G3BP2: variants seen among roughly 807,000 people sequenced by gnomAD.
The protein encoded by G3BP2 is G3BP stress granule assembly factor 2.
Under a neutral mutation model 56.7 loss-of-function variants are expected in G3BP2, and 11 were observed. The observed-to-expected ratio is 0.19, with a 90% CI of 0.12 to 0.32. G3BP2 has a LOEUF of 0.32. Among genes scored for constraint, G3BP2 ranks in the 10% least tolerant of loss-of-function variants. The pLI, the probability that G3BP2 is intolerant of heterozygous loss-of-function variation, is 1.00. For synonymous variants in G3BP2, 165 were observed against 191.6 expected, an observed-to-expected ratio of 0.86 and a Z score of 1.15; for missense variants, 340 against 610.9, an observed-to-expected ratio of 0.56 and a Z score of 4.67.
chr4:75,700,024 A>C (rs1719276418), intron 3 of G3BP2, among the ~76,000 whole-genome samples: 2 of 152,224 alleles, frequency 1.3e-5, no homozygotes, highest in African/African-American at 4.8e-5. Flanking sequence ...AAATCAACAT[A>C]AAATAAAAGC....
At chr4:75,691,077 C>T (rs746107291) in intron 3 of G3BP2, among the ~76,000 whole-genome samples, 1 of 151,636 alleles carries the variant, frequency 6.6e-6, no homozygotes, top group African/African-American at 2.4e-5. Context: ...CATTTTGTTT[C>T]ATTTATTCTT....
At chr4:75,684,752 ATG>A (rs1460969460) in intron 3 of G3BP2, among the ~76,000 whole-genome samples, 1 of 151,776 alleles carries the variant, frequency 6.6e-6, no homozygotes, top group Non-Finnish European at 1.5e-5. Flanking sequence ...GATATAGGGA[ATG>A]TTTGTGAAAC....
chr4:75,718,620 A>C lies in G3BP2; in HGVS notation c.-25+2257T>G, dbSNP rs183902115. Among the ~76,000 whole-genome samples the C allele has an allele frequency of 1.9e-4, 29 of 152,334 alleles. 1 individual carries two copies. Among genetic ancestry groups the C allele is most frequent in the Non-Finnish European group, 1.5e-5 (1 of 68,044 alleles). On this transcript the variant is annotated intron_variant, in intron 3 of 3. Coordinates refer to the G3BP2 transcript ENST00000499709. ...CCCTGTTCCCCAGCTCCTATGCCATATGCTTTGAGATGAGATGAAGACTTC... is the reference window on the plus strand; with the variant it reads ...CCCTGTTCCCCAGCTCCTATGCCATCTGCTTTGAGATGAGATGAAGACTTC...
rs750010389 is a variant in G3BP2, at chr4:75,647,118, C to T, written c.968G>A (p.Arg323Lys). The change falls in exon 10 of 12, where the codon AGA (arginine) becomes AAA (lysine). Residue 323 changes from arginine to lysine, a missense_variant. Physicochemically the swap from Arg to Lys is conservative, Grantham distance 26 (BLOSUM62 2). Around this residue, in one of 4 missense-constraint regions of G3BP2, gnomAD observed 224 missense variants for 332.5 expected, o/e 0.67. Transcript: ENST00000359707. ...ATGACTATCTGGATAGCGAATTATT[C>T]TACGGTTGTCAGAGTCATTCTGTTC... ...DMEQNDSDNRRIIRYPDSHQL... is the reference protein window; with the variant it reads ...DMEQNDSDNRKIIRYPDSHQL... The T allele has an allele frequency of 7.5e-6, 12 of 1,600,168 alleles. No homozygotes were observed. The African/African-American group carries it at 1.6e-4, about 21-fold the overall frequency.
chr4:75,690,209 G>A (rs1037156467), intron 3 of G3BP2, among the ~76,000 whole-genome samples: 16 of 152,110 alleles, frequency 1.1e-4, no homozygotes, highest in Admixed American at 7.2e-4. Context: ...CAAGGTGGGC[G>A]GATCACCTGA....
At chr4:75,704,571 G>A (rs1307358927) in intron 3 of G3BP2, among the ~76,000 whole-genome samples, 6 of 151,682 alleles carry the variant, frequency 4.0e-5, no homozygotes, top group African/African-American at 9.7e-5. Context: ...CTCCCGCCTC[G>A]GCCTCCCAAA....
chr4:75,723,528 T>C (rs1720265017), intron 1 of G3BP2, among the ~76,000 whole-genome samples: 1 of 152,172 alleles, frequency 6.6e-6, no homozygotes, highest in Non-Finnish European at 1.5e-5. Context: ...ATAGAAATGA[T>C]AGGACATGAC....
chr4:75,653,598 A>AC (rs1203062808), intron 8 of G3BP2, among the ~76,000 whole-genome samples: 2 of 150,908 alleles, frequency 1.3e-5, no homozygotes, highest in African/African-American at 2.4e-5. Flanking sequence ...TTAAAAAAAA[A>AC]AAAAAAAACA....
chr4:75,723,899 T>TAA (rs201266709), intron 1 of G3BP2, among the ~76,000 whole-genome samples: 103 of 146,098 alleles, frequency 7.1e-4, no homozygotes, highest in African/African-American at 1.2e-3. Context: ...TTTTTCATGT[T>TAA]AAAAAAAAAA....
chr4:75,682,708 A>G (rs768842746), intron 3 of G3BP2, among the ~76,000 whole-genome samples: 33 of 151,768 alleles, frequency 2.2e-4, no homozygotes, highest in Non-Finnish European at 4.1e-4. Flanking sequence ...TGGGCTGGGC[A>G]CGGTTGCTCA....
Position 75,646,466 on chromosome 4 carries a change from T to C in G3BP2, c.1058-10A>G, listed in dbSNP as rs763406599. On this transcript the variant is annotated splice_polypyrimidine_tract_variant and intron_variant, in intron 10 of 11. Coordinates refer to ENST00000359707, the MANE Select transcript of G3BP2 (RefSeq NM_203505.3). ...ACAACGTTTCCAAAACCTGTGAAAA[T>C]ATACATTACATCAAGGGTTAAATAT... 2.2e-6 allele frequency: 3 copies of C among 1,382,672 alleles called. No homozygotes were observed. Among genetic ancestry groups the C allele is most frequent in the Non-Finnish European group, 3.1e-6 (3 of 969,054 alleles). The allele number at this position is 1,382,672 out of a possible 1,614,324, so 85.7% of individuals were successfully genotyped here.
intron 3 of G3BP2, among the ~76,000 whole-genome samples, chr4:75,720,374 C>T (rs1397627929): frequency 5.3e-5 from 8 of 151,604 alleles, no homozygotes; most frequent in Admixed American, 2.0e-4. Flanking sequence ...CGGTGGCGGG[C>T]GCCTGTAGTC....
At chr4:75,652,374 A>C (rs1324575168) in intron 8 of G3BP2, among the ~76,000 whole-genome samples, 2 of 152,142 alleles carry the variant, frequency 1.3e-5, no homozygotes, top group East Asian at 3.9e-4. Context: ...TGTAATCCCC[A>C]CCGTTTGGGA....
upstream of G3BP2, among the ~76,000 whole-genome samples, chr4:75,675,906 T>C (rs549846063): frequency 6.6e-6 from 1 of 152,304 alleles, no homozygotes; most frequent in Non-Finnish European, 1.5e-5. Context: ...TTCTGTTGCA[T>C]ATTCCTCTCT....
At chr4:75,650,603 G>A (rs1047409343) in intron 8 of G3BP2, among the ~76,000 whole-genome samples, 6 of 151,994 alleles carry the variant, frequency 3.9e-5, no homozygotes, top group Admixed American at 1.3e-4. Flanking sequence ...AGATGAAGTT[G>A]CTTACCATAT....
upstream of G3BP2, among the ~76,000 whole-genome samples, chr4:75,674,560 T>C (rs1733756613): frequency 6.6e-6 from 1 of 151,818 alleles, no homozygotes; most frequent in African/African-American, 2.4e-5. Context: ...ACCTGATGTT[T>C]TTCCTTAAAG....
At position 75,700,203 on chromosome 4, in the gene G3BP2, G is replaced by T. The variant is rs559495417; in HGVS notation, c.-25+20674C>A. ...CAAGTAGCTGGGATTACAGGCACGT[G>T]CCACCACACCCAGCTACTTTTTGTA... On this transcript the variant is annotated intron_variant, in intron 3 of 3. Transcript: ENST00000499709. Among the ~76,000 whole-genome samples, 4 of 151,796 alleles carry T rather than the reference G, an allele frequency of 2.6e-5. No individual in the cohort carries two copies. The East Asian group carries it at 7.9e-4, about 30-fold the overall frequency.
At chr4:75,693,728 G>T (rs1434237780) in intron 3 of G3BP2, among the ~76,000 whole-genome samples, 1 of 151,272 alleles carries the variant, frequency 6.6e-6, no homozygotes, top group Non-Finnish European at 1.5e-5. Context: ...GGCAGAGTTT[G>T]CAGTGAGCCA....
chr4:75,680,631 T>A (rs1267450464), intron 3 of G3BP2, among the ~76,000 whole-genome samples: 2 of 152,118 alleles, frequency 1.3e-5, no homozygotes, highest in Non-Finnish European at 2.9e-5. Flanking sequence ...CATTTCCCAC[T>A]CTCCTCTTGG....
Sources: gnomAD v4.1 joint callset for allele counts (sites outside exome capture counted in the v4.1 genomes callset) on GRCh38, gnomAD v4.1.1 for gene constraint, gnomAD v4.1.1 regional missense constraint, MANE v1.5 for transcripts, NCBI Gene and HGNC (gene_info 2026-07-23, HGNC 2026-07-21) for gene names.